TFAP2D: variants seen among roughly 807,000 people sequenced by gnomAD.
TFAP2D encodes transcription factor AP-2-delta.
A neutral mutation model predicts 43.6 loss-of-function variants in TFAP2D; 9 were observed. The ratio of observed to expected loss-of-function variants is 0.21; its 90% CI spans 0.12 to 0.36. TFAP2D has a LOEUF of 0.36. Among genes scored for constraint, TFAP2D ranks in the 10% least tolerant of loss-of-function variants. The pLI is 1.00. For synonymous variants in TFAP2D, 256 were observed against 224.9 expected, an observed-to-expected ratio of 1.14 and a Z score of -1.24; for missense variants, 513 against 561.4, an observed-to-expected ratio of 0.91 and a Z score of 0.87.
intron 6 of TFAP2D, 82 bp from the exon 7 acceptor site, chr6:50,751,129 C>G: frequency 1.1e-6 from 1 of 950,532 alleles, no homozygotes; most frequent in South Asian, 1.5e-5. Context: ...AAAGAGAGAA[C>G]AAGCCTTTGG....
At chr6:50,732,978 G>C (rs1396075671) in intron 5 of TFAP2D, among the ~76,000 whole-genome samples, 1 of 151,946 alleles carries the variant, frequency 6.6e-6, no homozygotes, top group Non-Finnish European at 1.5e-5. Flanking sequence ...TCATTTTAGG[G>C]ATGTATAAGA....
Position 50,715,248 on chromosome 6 carries a change from C to G in TFAP2D, c.172C>G (p.Pro58Ala). ...CACCACCGGCACCGAGTTTGCGTCCCCCTACTTCTCCACTAACCACCAGTA... is the reference window on the plus strand; with the variant it reads ...CACCACCGGCACCGAGTTTGCGTCCGCCTACTTCTCCACTAACCACCAGTA... ...YSTTGTEFASPYFSTNHQYTP... is the reference protein window; with the variant it reads ...YSTTGTEFASAYFSTNHQYTP... Residue 58 changes from proline to alanine, a missense_variant, in exon 2 of 8, where the codon CCC becomes GCC. Physicochemically the swap from Pro to Ala is conservative, Grantham distance 27 (BLOSUM62 -1). This residue lies in a region of TFAP2D where 311 missense variants were observed against 316.2 expected (regional missense o/e 0.98). Coordinates refer to ENST00000008391, the MANE Select transcript of TFAP2D (RefSeq NM_172238.4). 6.2e-7 allele frequency: 1 copy of G among 1,614,018 alleles called. No individual in the cohort carries two copies. The highest frequency in any genetic ancestry group is 1.1e-5 in the South Asian group (1 of 91,074).
At chr6:50,740,493 G>T (rs181975127) in intron 5 of TFAP2D, among the ~76,000 whole-genome samples, 100 of 152,222 alleles carry the variant, frequency 6.6e-4, no homozygotes, top group Middle Eastern at 3.4e-3. Context: ...GAGTGTAGTG[G>T]CACAGTCTCA....
intron 7 of TFAP2D, among the ~76,000 whole-genome samples, chr6:50,769,644 A>G (rs1050047077): frequency 6.6e-6 from 1 of 152,230 alleles, no homozygotes; most frequent in Non-Finnish European, 1.5e-5. Flanking sequence ...TGATTTTACC[A>G]GCCATCAAGG....
chr6:50,751,428 C>A, intron 7 of TFAP2D, 104 bp downstream of exon 7: 1 of 752,508 alleles, frequency 1.3e-6, no homozygotes, highest in Non-Finnish European at 2.3e-6. Flanking sequence ...TATATGGTGA[C>A]TGTCCTAGTC....
chr6:50,715,237 A>G lies in TFAP2D; in HGVS notation c.161A>G (p.Glu54Gly). The G allele has an allele frequency of 6.2e-7, 1 of 1,613,530 alleles. No homozygotes were observed. The highest frequency in any genetic ancestry group is 1.7e-4 in the Middle Eastern group (1 of 6,060). The change falls in exon 2 of 8, where the codon GAG (glutamate) becomes GGG (glycine). Residue 54 changes from glutamate (E) to glycine (G), a missense_variant. Coordinates refer to ENST00000008391, the MANE Select transcript of TFAP2D (RefSeq NM_172238.4). ...TTAACTTACTCCACCACCGGCACCG[A>G]GTTTGCGTCCCCCTACTTCTCCACT... ...SPLTYSTTGT[E>G]FASPYFSTNH...
intron 3 of TFAP2D, among the ~76,000 whole-genome samples, chr6:50,719,447 GAGAAAGAA>G (rs531796279): frequency 0.021 from 2,784 of 131,760 alleles, 54 homozygotes; most frequent in Middle Eastern, 0.048. Context: ...AAAAGACAGA[GAGAAAGAA>G]AGAAAGAAAG....
At chr6:50,763,907 A>T (rs1436368463) in intron 7 of TFAP2D, among the ~76,000 whole-genome samples, 1 of 152,152 alleles carries the variant, frequency 6.6e-6, no homozygotes, top group African/African-American at 2.4e-5. Context: ...TAATGGTGGT[A>T]GTTACACCAC....
intron 7 of TFAP2D, among the ~76,000 whole-genome samples, chr6:50,769,703 C>T (rs1481541649): frequency 6.6e-6 from 1 of 152,168 alleles, no homozygotes; most frequent in Non-Finnish European, 1.5e-5. Context: ...AAACTGCCCA[C>T]AGAAAATGTG....
At chr6:50,771,865 C>T (rs1769533736) in intron 7 of TFAP2D, among the ~76,000 whole-genome samples, 1 of 152,072 alleles carries the variant, frequency 6.6e-6, no homozygotes, top group Non-Finnish European at 1.5e-5. Flanking sequence ...CTAGAAATAC[C>T]ACTTGACCCA....
chr6:50,742,678 G>T (rs1365853909), intron 5 of TFAP2D, among the ~76,000 whole-genome samples: 1 of 151,842 alleles, frequency 6.6e-6, no homozygotes, highest in Non-Finnish European at 1.5e-5. Context: ...TATCTGTTTT[G>T]GTGTGAACAA....
Position 50,713,876 on chromosome 6 carries a change from A to T in TFAP2D, c.-180A>T. Reference sequence around the variant, plus strand: ...GAAAATTTTGTTCCTACAGGTTTTTAAGTGGGTACGAGGCAAGGAGCTATC... The same window carrying T: ...GAAAATTTTGTTCCTACAGGTTTTTTAGTGGGTACGAGGCAAGGAGCTATC... On this transcript the variant is annotated 5_prime_UTR_variant, in exon 1 of 8. An upstream open reading frame in the 5' UTR gains an earlier in-frame stop. Coordinates refer to ENST00000008391, the MANE Select transcript of TFAP2D (RefSeq NM_172238.4). 1 of 870,076 alleles carries T rather than the reference A, an allele frequency of 1.1e-6. No individual in the cohort carries two copies. Among genetic ancestry groups the T allele is most frequent in the Non-Finnish European group, 1.8e-6 (1 of 570,412 alleles). 53.9% of individuals were successfully genotyped at this position (870,076 alleles called of 1,614,324 possible). A position where few individuals can be genotyped will look rare whatever the true frequency, so the allele number is the denominator to read the frequency against.
chr6:50,765,064 C>T (rs1464054791), intron 7 of TFAP2D, among the ~76,000 whole-genome samples: 1 of 152,148 alleles, frequency 6.6e-6, no homozygotes, highest in Non-Finnish European at 1.5e-5. Flanking sequence ...AAAGTTTGTA[C>T]CTTTTGACCA....
chr6:50,737,275 A>G (rs1327639510), intron 5 of TFAP2D, among the ~76,000 whole-genome samples: 2 of 152,112 alleles, frequency 1.3e-5, no homozygotes, highest in Non-Finnish European at 2.9e-5. Context: ...CATTGCTTAC[A>G]TTTATTGAAA....
intron 3 of TFAP2D, among the ~76,000 whole-genome samples, chr6:50,720,530 CACACACACAT>C (rs1196987930): frequency 3.8e-4 from 51 of 132,620 alleles, no homozygotes; most frequent in African/African-American, 1.2e-3. Flanking sequence ...CACACACACA[CACACACACAT>C]ATACGTGGTA....
chr6:50,764,067 T>C (rs1334472517), intron 7 of TFAP2D, among the ~76,000 whole-genome samples: 1 of 152,102 alleles, frequency 6.6e-6, no homozygotes, highest in Non-Finnish European at 1.5e-5. Flanking sequence ...TAACCCAGAG[T>C]TTCTAAAATC....
chr6:50,770,553 T>C (rs1339238871), intron 7 of TFAP2D, among the ~76,000 whole-genome samples: 1 of 152,198 alleles, frequency 6.6e-6, no homozygotes, highest in Non-Finnish European at 1.5e-5. Flanking sequence ...ATCTCTATCA[T>C]TTATCTAAGA....
intron 5 of TFAP2D, among the ~76,000 whole-genome samples, chr6:50,732,735 T>A (rs905731085): frequency 6.6e-6 from 1 of 152,040 alleles, no homozygotes. Flanking sequence ...AAGTGCCTTA[T>A]GATGGGGATT....
chr6:50,745,311 GA>G, intron 6 of TFAP2D, 63 bp downstream of exon 6: 1 of 1,597,556 alleles, frequency 6.3e-7, no homozygotes, highest in Non-Finnish European at 8.5e-7. Flanking sequence ...CATTTTCTTT[GA>G]AATGAGGAAA....
Sources: gnomAD v4.1 joint callset for allele counts (sites outside exome capture counted in the v4.1 genomes callset) on GRCh38, gnomAD v4.1.1 for gene constraint, gnomAD v4.1.1 regional missense constraint, MANE v1.5 for transcripts, NCBI Gene and HGNC (gene_info 2026-07-23, HGNC 2026-07-21) for gene names.